Variants in NALF1 observed in about 807,000 individuals in gnomAD.
The protein encoded by NALF1 is NALCN channel auxiliary factor 1.
Under a neutral mutation model 48.4 loss-of-function variants are expected in NALF1, and 3 were observed. The observed-to-expected ratio is 0.06, with a 90% CI of 0.03 to 0.16. The LOEUF is 0.16. Ranked by LOEUF, NALF1 falls within the 10% of genes least tolerant of loss-of-function variation. The probability of loss-of-function intolerance (pLI) is 1.00; values close to 1 mark genes in which losing one functional copy is unlikely to be tolerated. For synonymous variants in NALF1, 262 were observed against 245.7 expected, an observed-to-expected ratio of 1.07 and a Z score of -0.62; for missense variants, 526 against 571.5, an observed-to-expected ratio of 0.92 and a Z score of 0.81.
At chr13:107,562,680 G>T (rs933624116) in intron 1 of NALF1, among the ~76,000 whole-genome samples, 5 of 152,156 alleles carry the variant, frequency 3.3e-5, no homozygotes, top group African/African-American at 1.2e-4. Context: ...AATGCCATTT[G>T]TTTCCAAGAC....
At chr13:107,261,610 T>G (rs1880928633) in intron 1 of NALF1, among the ~76,000 whole-genome samples, 1 of 152,086 alleles carries the variant, frequency 6.6e-6, no homozygotes, top group Non-Finnish European at 1.5e-5. Context: ...CTCTCTATTT[T>G]TATGGACAGC....
intron 1 of NALF1, among the ~76,000 whole-genome samples, chr13:107,655,531 C>T (rs1880554461): frequency 1.3e-5 from 2 of 152,076 alleles, no homozygotes; most frequent in Non-Finnish European, 2.9e-5. Context: ...AATGGAAACA[C>T]ATCCCATGCT....
chr13:107,468,276 CA>C (rs886130745), intron 1 of NALF1, among the ~76,000 whole-genome samples: 19 of 152,102 alleles, frequency 1.2e-4, no homozygotes, highest in African/African-American at 4.6e-4. Flanking sequence ...TTACCTAAGG[CA>C]AAATGGAGGC....
At chr13:107,557,367 A>G (rs891153383) in intron 1 of NALF1, among the ~76,000 whole-genome samples, 13 of 152,124 alleles carry the variant, frequency 8.5e-5, no homozygotes, top group Non-Finnish European at 1.9e-4. Flanking sequence ...CCCCTATCAC[A>G]TTTGGGGAAA....
chr13:107,645,723 A>C (rs1192680048), intron 1 of NALF1, among the ~76,000 whole-genome samples: 3 of 149,580 alleles, frequency 2.0e-5, no homozygotes, highest in African/African-American at 7.4e-5. Flanking sequence ...TTTACTCTCC[A>C]GCTGTTCTGT....
chr13:107,772,144 G>A (rs981447377), intron 1 of NALF1, among the ~76,000 whole-genome samples: 11 of 152,008 alleles, frequency 7.2e-5, no homozygotes, highest in Non-Finnish European at 1.3e-4. Context: ...ATATACACAC[G>A]TATCGTATCT....
chr13:107,636,505 C>T (rs1350101943), intron 1 of NALF1, among the ~76,000 whole-genome samples: 4 of 152,112 alleles, frequency 2.6e-5, no homozygotes. Context: ...GGAAAAAATG[C>T]TAAAAGATAA....
intron 2 of NALF1, among the ~76,000 whole-genome samples, chr13:107,176,023 AC>A (rs1166967166): frequency 6.6e-6 from 1 of 152,088 alleles, no homozygotes; most frequent in African/African-American, 2.4e-5. Context: ...CGCAAAAACC[AC>A]CTGCACACAA....
At chr13:107,663,406 G>A (rs113456987) in intron 1 of NALF1, among the ~76,000 whole-genome samples, 1 of 152,196 alleles carries the variant, frequency 6.6e-6, no homozygotes, top group Admixed American at 6.5e-5. Flanking sequence ...TTTATCACCA[G>A]TGCTGGAAAA....
chr13:107,711,160 CT>C (rs1200195065), intron 1 of NALF1, among the ~76,000 whole-genome samples: 1 of 152,138 alleles, frequency 6.6e-6, no homozygotes, highest in Non-Finnish European at 1.5e-5. Flanking sequence ...ACCTCATCTC[CT>C]CACTACCTTG....
intron 1 of NALF1, among the ~76,000 whole-genome samples, chr13:107,313,973 G>A (rs1030430403): frequency 1.3e-5 from 2 of 152,164 alleles, no homozygotes; most frequent in Admixed American, 6.5e-5. Context: ...TGTATCAGGG[G>A]TGCGTCCTTA....
chr13:107,776,200 G>C (rs1008515738), intron 1 of NALF1, among the ~76,000 whole-genome samples: 3 of 152,204 alleles, frequency 2.0e-5, no homozygotes, highest in African/African-American at 4.8e-5. Flanking sequence ...AGAGGCAATA[G>C]AGGGCAGTGA....
At chr13:107,212,661 T>C (rs575513140) in intron 1 of NALF1, among the ~76,000 whole-genome samples, 3 of 152,346 alleles carry the variant, frequency 2.0e-5, no homozygotes, top group Non-Finnish European at 4.4e-5. Flanking sequence ...TTGACGTTTG[T>C]GTAATATGAC....
At chr13:107,306,213 C>G (rs1881933684) in intron 1 of NALF1, among the ~76,000 whole-genome samples, 1 of 152,160 alleles carries the variant, frequency 6.6e-6, no homozygotes, top group African/African-American at 2.4e-5. Context: ...AGCCACCAGA[C>G]AGACAAAAAC....
intron 1 of NALF1, among the ~76,000 whole-genome samples, chr13:107,665,556 A>C (rs906754677): frequency 8.5e-5 from 13 of 152,136 alleles, no homozygotes; most frequent in Admixed American, 6.6e-4. Flanking sequence ...TTCTACAGAA[A>C]ATATATTTCC....
chr13:107,674,856 A>T (rs1452324571), intron 1 of NALF1, among the ~76,000 whole-genome samples: 1 of 152,112 alleles, frequency 6.6e-6, no homozygotes. Context: ...GTGTTGCCGA[A>T]ATGTTTCTTT....
chr13:107,663,058 CTTG>C lies in NALF1; in HGVS notation c.915+202621_915+202623del, dbSNP rs569383859. ...AACAAAACATATAACCCCCTCCTCA[CTTG>C]TTGTGATACTACATATTTGGTTGAG... On this transcript the variant is annotated intron_variant, in intron 1 of 2. Coordinates refer to ENST00000375915, the MANE Select transcript of NALF1 (RefSeq NM_001080396.3). Among the ~76,000 whole-genome samples, 78 of 152,254 alleles carry C rather than the reference CTTG, an allele frequency of 5.1e-4. 1 individual carries two copies. The highest frequency in any genetic ancestry group is 1.8e-3 in the African/African-American group (75 of 41,558).
At chr13:107,446,346 G>A (rs922029054) in intron 1 of NALF1, among the ~76,000 whole-genome samples, 1 of 151,882 alleles carries the variant, frequency 6.6e-6, no homozygotes, top group Non-Finnish European at 1.5e-5. Context: ...CAACAAGGAA[G>A]AGAAGTAGCA....
At position 107,616,039 on chromosome 13, in the gene NALF1, C is replaced by T. The variant is rs1254404707; in HGVS notation, c.915+249643G>A. The stretch of plus-strand genomic sequence containing the variant: ...GAGCAAGTGTATCTGAAGGTCCTGT[C>T]GCACAAAAATTTGCAATAAATGACA... On this transcript the variant is annotated intron_variant, in intron 1 of 2. Transcript: ENST00000375915. Among the ~76,000 whole-genome samples, 7 of 152,180 alleles carry T rather than the reference C, an allele frequency of 4.6e-5. No homozygotes were observed. The East Asian group carries it at 5.8e-4, about 13-fold the overall frequency.
Sources: allele counts gnomAD v4.1 joint callset (sites outside exome capture counted in the v4.1 genomes callset), GRCh38; gene constraint gnomAD v4.1.1; transcripts MANE v1.5; gene names NCBI Gene and HGNC (gene_info 2026-07-23, HGNC 2026-07-21).